GSE1: variants seen among roughly 807,000 people sequenced by gnomAD.
GSE1 encodes Gse1 coiled-coil protein.
Under a neutral mutation model 112.6 loss-of-function variants are expected in GSE1, and 32 were observed. That is an observed-to-expected ratio of 0.28 (90% CI 0.21 to 0.38). The LOEUF (loss-of-function observed/expected upper bound fraction) is 0.38, where lower values mean the gene tolerates loss of function less well. Ranked by LOEUF, GSE1 falls within the 10% of genes least tolerant of loss-of-function variation. The pLI, the probability that GSE1 is intolerant of heterozygous loss-of-function variation, is 1.00. For missense variants in GSE1, 2,348 were observed against 1,699.2 expected (o/e 1.38, Z -6.71); for synonymous variants, 1,115 against 735.6 (o/e 1.52, Z -8.35).
chr16:85,281,057 C>T (rs2044843260), intron 1 of GSE1, among the ~76,000 whole-genome samples: 1 of 152,144 alleles, frequency 6.6e-6, no homozygotes, highest in Non-Finnish European at 1.5e-5. Context: ...AACGGCTCTC[C>T]CTGCTCTAAA....
intron 15 of GSE1, among the ~76,000 whole-genome samples, chr16:85,671,308 C>T (rs535602776): frequency 6.6e-5 from 10 of 151,286 alleles, no homozygotes; most frequent in South Asian, 2.1e-4. Context: ...GGCGTAGTGG[C>T]GGGCGCCTGT....
At chr16:85,634,567 G>C (rs1371723866) in intron 2 of GSE1, among the ~76,000 whole-genome samples, 2 of 152,152 alleles carry the variant, frequency 1.3e-5, no homozygotes, top group Admixed American at 6.5e-5. Context: ...TGGTGTCCCT[G>C]GAAACACAGT....
chr16:85,637,652 G>A (rs989810202), intron 2 of GSE1, among the ~76,000 whole-genome samples: 2 of 152,252 alleles, frequency 1.3e-5, no homozygotes, highest in Admixed American at 6.5e-5. Context: ...CGGCTTGCCC[G>A]GGTCCCACGT....
At chr16:85,533,462 A>G (rs541518490) in intron 2 of GSE1, among the ~76,000 whole-genome samples, 47 of 152,266 alleles carry the variant, frequency 3.1e-4, no homozygotes, top group African/African-American at 1.0e-3. Flanking sequence ...CTCTGTTTGC[A>G]TATGTGTTAT....
At chr16:85,383,235 C>G (rs1047015141) in intron 2 of GSE1, among the ~76,000 whole-genome samples, 1 of 152,102 alleles carries the variant, frequency 6.6e-6, no homozygotes, top group Non-Finnish European at 1.5e-5. Context: ...CACACATTCA[C>G]ATGCACACAC....
At chr16:85,527,884 C>T (rs1462622410) in intron 2 of GSE1, among the ~76,000 whole-genome samples, 1 of 152,226 alleles carries the variant, frequency 6.6e-6, no homozygotes, top group African/African-American at 2.4e-5. Context: ...GATTTCCTCA[C>T]TGGGTTTTAA....
chr16:85,217,387 C>G (rs923937185), intron 1 of GSE1, among the ~76,000 whole-genome samples: 3 of 152,170 alleles, frequency 2.0e-5, no homozygotes, highest in Non-Finnish European at 4.4e-5. Flanking sequence ...GCCGCCACGC[C>G]TGGGACCATG....
chr16:85,340,956 T>C (rs1187649309), intron 1 of GSE1, among the ~76,000 whole-genome samples: 1 of 152,236 alleles, frequency 6.6e-6, no homozygotes, highest in African/African-American at 2.4e-5. Flanking sequence ...ATGATGATAA[T>C]GGCAGTGTCT....
At chr16:85,305,064 C>G (rs948849865) in intron 1 of GSE1, among the ~76,000 whole-genome samples, 1 of 152,196 alleles carries the variant, frequency 6.6e-6, no homozygotes, top group Non-Finnish European at 1.5e-5. Context: ...CCCTCCCATT[C>G]CCCTAGGGCA....
At chr16:85,170,573 G>T in exon 1 of GSE1, 2 of 985,620 alleles carry the variant, frequency 2.0e-6, no homozygotes, top group Non-Finnish European at 2.4e-6. Context: ...AAGAACAGTG[G>T]CCGTGTCCCC....
chr16:85,312,190 C>T (rs1465598538), intron 1 of GSE1, among the ~76,000 whole-genome samples: 2 of 133,496 alleles, frequency 1.5e-5, no homozygotes, highest in Non-Finnish European at 3.0e-5. Flanking sequence ...TCTGTGGTCT[C>T]TCTGATCCTC....
At chr16:85,651,660 C>A (rs917648108) in intron 3 of GSE1, among the ~76,000 whole-genome samples, 1 of 152,206 alleles carries the variant, frequency 6.6e-6, no homozygotes, top group Non-Finnish European at 1.5e-5. Context: ...GTGCTGTCCT[C>A]AGGTCGAGGT....
chr16:85,205,975 G>T lies in GSE1; in HGVS notation c.2283+34168G>T, dbSNP rs1483172470. Among the ~76,000 whole-genome samples the T allele has an allele frequency of 1.1e-4, 17 of 152,336 alleles. No homozygotes were observed. In the East Asian group the frequency reaches 3.3e-3, roughly 29 times the overall value. On this transcript the variant is annotated intron_variant, in intron 1 of 2. Transcript: ENST00000637419. ...TCCCTCACGGAGCTTCCAGTCTGGT[G>T]GGAGAGACAGATGTCGGTGGCCAAA...
intron 1 of GSE1, among the ~76,000 whole-genome samples, chr16:85,191,067 T>C (rs1397249274): frequency 1.3e-5 from 2 of 152,238 alleles, no homozygotes; most frequent in African/African-American, 2.4e-5. Context: ...GACACCAGCC[T>C]GGCCAACATG....
At chr16:85,304,463 C>T (rs1363077900) in intron 1 of GSE1, among the ~76,000 whole-genome samples, 1 of 152,202 alleles carries the variant, frequency 6.6e-6, no homozygotes, top group African/African-American at 2.4e-5. Flanking sequence ...GCCCGCCCGC[C>T]AGGGGCAGTG....
chr16:85,521,053 T>A (rs982975755), intron 2 of GSE1, among the ~76,000 whole-genome samples: 1 of 152,156 alleles, frequency 6.6e-6, no homozygotes, highest in Non-Finnish European at 1.5e-5. Flanking sequence ...CCGGTTTGTC[T>A]GGGTTCTTCG....
At chr16:85,299,935 C>G (rs77607472) in intron 1 of GSE1, among the ~76,000 whole-genome samples, 1 of 84,216 alleles carries the variant, frequency 1.2e-5, no homozygotes, top group Non-Finnish European at 2.7e-5. Context: ...GACCCTGTCT[C>G]AAAAAAAAAA....
At chr16:85,236,892 A>C (rs62049825) in intron 1 of GSE1, among the ~76,000 whole-genome samples, 30,332 of 151,990 alleles carry the variant, frequency 0.2, 3,694 homozygotes, top group African/African-American at 0.34. Flanking sequence ...AGACCTCACA[A>C]CTTCCAGCCA....
chr16:85,588,282 G>A (rs2046801755), intron 1 of GSE1, among the ~76,000 whole-genome samples: 2 of 152,242 alleles, frequency 1.3e-5, no homozygotes, highest in South Asian at 4.1e-4. Flanking sequence ...CACCAGCCTG[G>A]CCGCTCTTGA....
Sources: allele counts gnomAD v4.1 joint callset (sites outside exome capture counted in the v4.1 genomes callset), GRCh38; gene constraint gnomAD v4.1.1; transcripts MANE v1.5; gene names NCBI Gene and HGNC (gene_info 2026-07-23, HGNC 2026-07-21).